The following LIPH variants were observed in gnomAD, a reference collection of about 807,000 sequenced individuals.
The protein encoded by LIPH is lipase H, also known as lipase member H.
Under a neutral mutation model 47.6 loss-of-function variants are expected in LIPH, and 32 were observed. The observed-to-expected ratio is 0.67, with a 90% CI of 0.51 to 0.90. The LOEUF is 0.90. Among genes scored for constraint, LIPH ranks in the 40% least tolerant of loss-of-function variants. The probability of loss-of-function intolerance (pLI) is 0.00; values close to 1 mark genes in which losing one functional copy is unlikely to be tolerated. For synonymous variants in LIPH, 190 were observed against 195.6 expected (o/e 0.97, Z 0.24); for missense variants, 497 against 541.4 (o/e 0.92, Z 0.81).
chr3:185,513,652 A>G (rs956626535), intron 8 of LIPH, among the ~76,000 whole-genome samples: 2 of 152,224 alleles, frequency 1.3e-5, no homozygotes, highest in Non-Finnish European at 2.9e-5. Flanking sequence ...ACTAGTCACA[A>G]TAGCCAAGAG....
At chr3:185,523,139 A>C (rs1487878303) in intron 5 of LIPH, among the ~76,000 whole-genome samples, 2 of 152,174 alleles carry the variant, frequency 1.3e-5, no homozygotes, top group African/African-American at 2.4e-5. Flanking sequence ...TGTATGTTGA[A>C]CATCTTTGCA....
Position 185,552,519 on chromosome 3 carries a change from T to TCGGGCCGGG in LIPH, c.-49_-48insCCCGGCCCG. On this transcript the variant is annotated 5_prime_UTR_variant, in exon 1 of 10. Coordinates refer to ENST00000296252, the MANE Select transcript of LIPH (RefSeq NM_139248.3). ...GTCACATTCACAAGAATGATTTACT[T>TCGGGCCGGG]CGCAGAGGCTTAAGAGTTTCCACTG... 7.6e-7 allele frequency: 1 copy of TCGGGCCGGG among 1,313,934 alleles called. No individual in the cohort carries two copies. Among genetic ancestry groups the TCGGGCCGGG allele is most frequent in the Non-Finnish European group, 1.1e-6 (1 of 906,142 alleles). The allele number at this position is 1,313,934 out of a possible 1,614,324, so 81.4% of individuals were successfully genotyped here. A position where few individuals can be genotyped will look rare whatever the true frequency, so the allele number is the denominator to read the frequency against.
chr3:185,530,229 A>G (rs1720293394), intron 3 of LIPH, among the ~76,000 whole-genome samples: 1 of 152,056 alleles, frequency 6.6e-6, no homozygotes, highest in African/African-American at 2.4e-5. Flanking sequence ...CTGTAATCCC[A>G]GAACTTTGGG....
Position 185,538,725 on chromosome 3 carries a change from GTACATATATA to G in LIPH, c.50-3603_50-3594del, listed in dbSNP as rs1560169311. ...ATATATATTCCACCAAATAATATATGTACATATATATACATATATGTACATATATATACAT... is the reference window on the plus strand; with the variant it reads ...ATATATATTCCACCAAATAATATATGTACATATATGTACATATATATACAT... On this transcript the variant is annotated intron_variant, in intron 1 of 9. Coordinates refer to ENST00000296252, the MANE Select transcript of LIPH (RefSeq NM_139248.3). Among the ~76,000 whole-genome samples, 84 of 92,258 alleles carry G rather than the reference GTACATATATA, an allele frequency of 9.1e-4. 3 individuals are homozygous for G. The highest frequency in any genetic ancestry group is 2.8e-3 in the African/African-American group (78 of 27,740). The allele number at this position is 92,258 out of a possible 152,430, so 60.5% of individuals were successfully genotyped here.
intron 1 of LIPH, among the ~76,000 whole-genome samples, chr3:185,540,403 A>G (rs1170658604): frequency 2.0e-5 from 3 of 152,148 alleles, no homozygotes; most frequent in African/African-American, 7.2e-5. Context: ...TTCTTCTGGT[A>G]AACACCTTGA....
rs1560163035 is a variant in LIPH, at chr3:185,526,691, A to ATAATATAATATAAT, written c.628+792_628+793insATTATATTATATTA. Reference sequence around the variant, plus strand: ...TATAATATAATATAATATAATATAAAATAAATAAAATAAAATAAATAAAAT... The same window carrying ATAATATAATATAAT: ...TATAATATAATATAATATAATATAAATAATATAATATAATATAAATAAAATAAAATAAATAAAAT... On this transcript the variant is annotated intron_variant, in intron 4 of 9. Coordinates refer to ENST00000296252, the MANE Select transcript of LIPH (RefSeq NM_139248.3). Among the ~76,000 whole-genome samples the ATAATATAATATAAT allele has an allele frequency of 8.0e-3, 263 of 32,684 alleles. 2 individuals carry two copies. Among genetic ancestry groups the ATAATATAATATAAT allele is most frequent in the African/African-American group, 0.021 (252 of 11,888 alleles). 21.4% of individuals were successfully genotyped at this position (32,684 alleles called of 152,430 possible).
chr3:185,548,102 C>G (rs1720935292), intron 1 of LIPH, among the ~76,000 whole-genome samples: 1 of 152,068 alleles, frequency 6.6e-6, no homozygotes, highest in Non-Finnish European at 1.5e-5. Context: ...ACTTTGCCTT[C>G]CTCGTATTAG....
chr3:185,519,534 T>C (rs1577668805), intron 5 of LIPH, among the ~76,000 whole-genome samples: 2 of 151,934 alleles, frequency 1.3e-5, no homozygotes, highest in African/African-American at 2.4e-5. Flanking sequence ...AGAGCAAATA[T>C]GCTTTGGTGA....
intron 3 of LIPH, among the ~76,000 whole-genome samples, chr3:185,529,378 T>A (rs1304119420): frequency 6.7e-6 from 1 of 150,128 alleles, no homozygotes; most frequent in African/African-American, 2.4e-5. Flanking sequence ...TGCAAGAGTG[T>A]CTTTGCCTTT....
chr3:185,531,623 G>A (rs1720334670), intron 3 of LIPH, among the ~76,000 whole-genome samples: 1 of 151,434 alleles, frequency 6.6e-6, no homozygotes, highest in South Asian at 2.1e-4. Flanking sequence ...GCTCACACCT[G>A]TAATCCCAGC....
At chr3:185,511,356 C>T (rs1297157361) in intron 9 of LIPH, among the ~76,000 whole-genome samples, 168 bp downstream of exon 9, 1 of 152,130 alleles carries the variant, frequency 6.6e-6, no homozygotes. Context: ...TGAGCCACTA[C>T]ACTTGGCCTG....
intron 4 of LIPH, among the ~76,000 whole-genome samples, chr3:185,526,078 A>G (rs573233586): frequency 6.6e-6 from 1 of 152,248 alleles, no homozygotes; most frequent in East Asian, 1.9e-4. Flanking sequence ...CAAAAACAGC[A>G]CCGTGAAAGA....
At chr3:185,535,893 G>A (rs773478668) in intron 1 of LIPH, among the ~76,000 whole-genome samples, 14 of 152,132 alleles carry the variant, frequency 9.2e-5, no homozygotes, top group Non-Finnish European at 1.9e-4. Context: ...ATGAGCCACC[G>A]TGCCCGGCCA....
intron 3 of LIPH, among the ~76,000 whole-genome samples, chr3:185,532,736 C>T (rs540639429): frequency 6.6e-6 from 1 of 151,868 alleles, no homozygotes; most frequent in East Asian, 1.9e-4. Context: ...GTTGCAGTGA[C>T]CCGAGATTGC....
In LIPH at chr3:185,517,080, C is replaced by G. The variant is rs773476859; in HGVS notation, c.969G>C (p.Glu323Asp). 3.1e-6 allele frequency: 5 copies of G among 1,611,084 alleles called. No individual in the cohort carries two copies. The highest frequency in any genetic ancestry group is 1.3e-5 in the African/African-American group (1 of 74,886). The change falls in exon 7 of 10, where the codon GAG becomes GAC. Residue 323 changes from glutamate (E) to aspartate (D), a missense_variant. By Grantham distance (45) the Glu-to-Asp change is conservative. Coordinates refer to ENST00000296252, the MANE Select transcript of LIPH (RefSeq NM_139248.3). Reference sequence around the variant, plus strand: ...TTCACCACTCACTGCAGAATGGGCTCTCCTCAGCTGTGTCAAAGAATGCCT... The same window carrying G: ...TTCACCACTCACTGCAGAATGGGCTGTCCTCAGCTGTGTCAAAGAATGCCT... ...MTKAFFDTAEESPFCMYHYFV... is the reference protein window; with the variant it reads ...MTKAFFDTAEDSPFCMYHYFV...
rs1313244237 is a variant in LIPH, at chr3:185,552,410, G to C, written c.49+13C>G. The C allele has an allele frequency of 1.9e-6, 3 of 1,583,470 alleles. No homozygotes were observed. The Admixed American group carries it at 5.0e-5, about 26-fold the overall frequency. On this transcript the variant is annotated intron_variant, in intron 1 of 9. Transcript: ENST00000296252. The stretch of plus-strand genomic sequence containing the variant: ...TTTAAGCAGTTAAGAAAACCAGTTT[G>C]TAAATAACCTACCTGATCTTGACAA...
At chr3:185,532,210 C>G (rs1308705317) in intron 3 of LIPH, among the ~76,000 whole-genome samples, 2 of 152,096 alleles carry the variant, frequency 1.3e-5, no homozygotes, top group African/African-American at 4.8e-5. Context: ...GAAGTGCTGT[C>G]CAACAGAAAT....
At chr3:185,510,046 G>A (rs1233722960) in intron 9 of LIPH, among the ~76,000 whole-genome samples, 4 of 149,460 alleles carry the variant, frequency 2.7e-5, no homozygotes, top group South Asian at 2.1e-4. Flanking sequence ...TCCCAGATAC[G>A]AGCAATTTTC....
intron 5 of LIPH, among the ~76,000 whole-genome samples, chr3:185,519,836 CAAAAAAAAAAAAAAAAAA>C (rs145391972): frequency 1.9e-5 from 1 of 53,788 alleles, no homozygotes; most frequent in Non-Finnish European, 3.0e-5. Flanking sequence ...CACTCCATCT[CAAAAAAAAAAAAAAAAAA>C]AAAAAAAAAA....
Sources: allele counts gnomAD v4.1 joint callset (sites outside exome capture counted in the v4.1 genomes callset), GRCh38; gene constraint gnomAD v4.1.1; transcripts MANE v1.5; gene names NCBI Gene and HGNC (gene_info 2026-07-23, HGNC 2026-07-21).